The following MKX variants were observed in gnomAD, a reference collection of about 807,000 sequenced individuals.
The protein encoded by MKX is mohawk homeobox, also known as homeobox protein Mohawk.
In MKX, 13 loss-of-function variants were observed where a neutral mutation model predicts 36.0. That is an observed-to-expected ratio of 0.36 (90% CI 0.24 to 0.57). The LOEUF (loss-of-function observed/expected upper bound fraction) is 0.57. Ranked by LOEUF, MKX falls within the 20% of genes least tolerant of loss-of-function variation. MKX has a pLI of 0.79. For synonymous variants in MKX, 176 were observed against 178.3 expected (o/e 0.99, Z 0.10); for missense variants, 458 against 456.4 (o/e 1.00, Z -0.03).
At chr10:27,734,370 A>G in intron 5 of MKX, 86 bp downstream of exon 5, 7 of 1,206,814 alleles carry the variant, frequency 5.8e-6, no homozygotes, top group Non-Finnish European at 8.3e-6. Flanking sequence ...ATGTCTTTAT[A>G]CCTGTTAAAA....
At chr10:27,675,699 T>C in intron 5 of MKX, 145 bp from the exon 6 acceptor site, 1 of 873,332 alleles carries the variant, frequency 1.1e-6, no homozygotes, top group Non-Finnish European at 1.7e-6. Context: ...GATAAAGCAG[T>C]TTATATTAAG....
At chr10:27,678,403 G>A (rs1038413490) in intron 5 of MKX, among the ~76,000 whole-genome samples, 5 of 152,206 alleles carry the variant, frequency 3.3e-5, no homozygotes, top group African/African-American at 1.2e-4. Flanking sequence ...GAAAGACTTG[G>A]CAAAAGCAGA....
intron 5 of MKX, among the ~76,000 whole-genome samples, chr10:27,713,150 C>A (rs1836902463): frequency 6.6e-6 from 1 of 152,162 alleles, no homozygotes; most frequent in Non-Finnish European, 1.5e-5. Flanking sequence ...ACCCAAGCAC[C>A]AAATATACCA....
chr10:27,736,138 TTGCAA>T, intron 3 of MKX, among the ~76,000 whole-genome samples: 1 of 152,012 alleles, frequency 6.6e-6, no homozygotes, highest in Non-Finnish European at 1.5e-5. Flanking sequence ...ATAGTCAAAG[TTGCAA>T]GAGTAGAGAG....
At chr10:27,708,653 G>A (rs577827389) in intron 5 of MKX, among the ~76,000 whole-genome samples, 3 of 151,318 alleles carry the variant, frequency 2.0e-5, no homozygotes, top group South Asian at 2.1e-4. Context: ...CACTTGAACC[G>A]GGAGGCAGAG....
Position 27,734,691 on chromosome 10 carries a change from TC to T in MKX, c.602del (p.Gly201GlufsTer2). 1 of 1,614,130 alleles carries T rather than the reference TC, an allele frequency of 6.2e-7. No homozygotes were observed. The highest frequency in any genetic ancestry group is 2.2e-5 in the East Asian group (1 of 44,876). On this transcript the variant is annotated frameshift_variant, in exon 5 of 7. Transcript: ENST00000419761. LOFTEE classifies it high-confidence loss of function. ...CACTGGCCCGTGACTCTGGCCTCAC[TC>T]CCGCTTTGATGACCGAATTCTCACT... ...IKSENSVIKA[G>X]VRPESRASED...
chr10:27,737,316 T>A (rs1449407146), intron 3 of MKX, among the ~76,000 whole-genome samples: 1 of 152,170 alleles, frequency 6.6e-6, no homozygotes, highest in Non-Finnish European at 1.5e-5. Context: ...AAATGGATCT[T>A]AGCAAGTATC....
rs1834728512 is a variant in MKX at position 27,735,227 on chromosome 10, A to G, written c.496T>C (p.Ser166Pro). 1.9e-6 allele frequency: 3 copies of G among 1,576,828 alleles called. No individual in the cohort carries two copies. In the East Asian group the frequency reaches 7.0e-5, roughly 37 times the overall value. Reference sequence around the variant, plus strand: ...AATAAAAATATTAACAAACCTTCAGAACATGAGTCATCACTGCTTACGCTA... The same window carrying G: ...AATAAAAATATTAACAAACCTTCAGGACATGAGTCATCACTGCTTACGCTA... ...RLSVSSDDSCSEDGENPPRTH... is the reference protein window; with the variant it reads ...RLSVSSDDSCPEDGENPPRTH... The change falls in exon 4 of 7, where the codon TCT becomes CCT. Residue 166 changes from serine (S) to proline (P), a missense_variant. By Grantham distance (74) the Ser-to-Pro change is moderately conservative. This residue lies in a region of MKX where 297 missense variants were observed against 304.4 expected (regional missense o/e 0.98). Transcript: ENST00000419761.
chr10:27,681,035 T>C (rs992960803), intron 5 of MKX, among the ~76,000 whole-genome samples: 5 of 152,224 alleles, frequency 3.3e-5, no homozygotes, highest in African/African-American at 9.6e-5. Flanking sequence ...TGGCAAACCA[T>C]ACATACGACA....
chr10:27,688,469 GC>G, intron 5 of MKX, among the ~76,000 whole-genome samples: 1 of 152,298 alleles, frequency 6.6e-6, no homozygotes, highest in Admixed American at 6.5e-5. Flanking sequence ...GAGACCTGGA[GC>G]CACATTAAAG....
At chr10:27,710,976 A>G (rs1229053810) in intron 5 of MKX, among the ~76,000 whole-genome samples, 1 of 152,146 alleles carries the variant, frequency 6.6e-6, no homozygotes. Context: ...GTTTGTAAAC[A>G]TTTGTGCTTA....
chr10:27,683,196 G>A (rs776113378), intron 5 of MKX, among the ~76,000 whole-genome samples: 7 of 152,142 alleles, frequency 4.6e-5, no homozygotes, highest in South Asian at 2.1e-4. Context: ...CTACCGGTCC[G>A]TGGCCCGGGG....
chr10:27,695,083 G>A (rs1836530368), intron 5 of MKX, among the ~76,000 whole-genome samples: 1 of 152,072 alleles, frequency 6.6e-6, no homozygotes, highest in South Asian at 2.1e-4. Flanking sequence ...GAGGACCTCT[G>A]AGCCTCAAAA....
chr10:27,684,962 TCTATGCCAGACA>T (rs1343298505), intron 5 of MKX, among the ~76,000 whole-genome samples: 7 of 152,222 alleles, frequency 4.6e-5, no homozygotes, highest in Non-Finnish European at 1.0e-4. Flanking sequence ...GAATGCTTAT[TCTATGCCAGACA>T]CTATGCCAGA....
intron 5 of MKX, among the ~76,000 whole-genome samples, chr10:27,680,674 T>C (rs1207857672): frequency 6.6e-6 from 1 of 152,186 alleles, no homozygotes; most frequent in African/African-American, 2.4e-5. Context: ...CTGAGGTTTT[T>C]AAAAAATTTA....
chr10:27,740,672 C>A (rs1834873590), intron 3 of MKX, among the ~76,000 whole-genome samples: 1 of 152,178 alleles, frequency 6.6e-6, no homozygotes, highest in East Asian at 1.9e-4. Context: ...GTAACCCAAC[C>A]ATCTGAAATC....
At position 27,716,712 on chromosome 10, in the gene MKX, C is replaced by T. The variant is rs78114396; in HGVS notation, c.838+17744G>A. ...TTGTACTTTATAAGCTCACACTCAT[C>T]ATAATGTTAATTGTCTAAACATTTG... On this transcript the variant is annotated intron_variant, in intron 5 of 6. Coordinates refer to ENST00000419761, the MANE Select transcript of MKX (RefSeq NM_173576.3). 1.9e-3 allele frequency among the ~76,000 whole-genome samples: 286 copies of T among 152,292 alleles called. 1 individual carries two copies. Among genetic ancestry groups the T allele is most frequent in the Non-Finnish European group, 1.9e-3 (128 of 68,038 alleles).
At chr10:27,698,792 G>A (rs540565864) in intron 5 of MKX, among the ~76,000 whole-genome samples, 1 of 152,222 alleles carries the variant, frequency 6.6e-6, no homozygotes, top group African/African-American at 2.4e-5. Flanking sequence ...AAGACAGGGT[G>A]TTTTGATATT....
At chr10:27,693,721 G>C (rs1309395823) in intron 5 of MKX, among the ~76,000 whole-genome samples, 1 of 152,182 alleles carries the variant, frequency 6.6e-6, no homozygotes, top group Non-Finnish European at 1.5e-5. Flanking sequence ...TACTGATTTA[G>C]AGAAATGGCC....
Sources: allele counts gnomAD v4.1 joint callset (sites outside exome capture counted in the v4.1 genomes callset), GRCh38; gene constraint gnomAD v4.1.1; regional missense constraint gnomAD v4.1.1; transcripts MANE v1.5; gene names NCBI Gene and HGNC (gene_info 2026-07-23, HGNC 2026-07-21).